The following ABCD2 variants were observed in gnomAD, a reference collection of about 807,000 sequenced individuals.
ABCD2 encodes ATP binding cassette subfamily D member 2.
In ABCD2, 36 loss-of-function variants were observed where a neutral mutation model predicts 70.9. The observed-to-expected ratio is 0.51, with a 90% CI of 0.39 to 0.67. ABCD2 has a LOEUF of 0.67. Ranked by LOEUF, ABCD2 falls within the 30% of genes least tolerant of loss-of-function variation. The pLI is 0.00. For synonymous variants in ABCD2, 304 were observed against 306.9 expected (o/e 0.99, Z 0.10); for missense variants, 729 against 890.2 (o/e 0.82, Z 2.30).
chr12:39,542,461 C>CAA, the ABCD2 span, among the ~76,000 whole-genome samples: 208 of 83,122 alleles, frequency 2.5e-3, no homozygotes, highest in African/African-American at 8.4e-3. Flanking sequence ...GACTCCATCT[C>CAA]AAAAAAAAAA....
At position 39,607,630 on chromosome 12, in the gene ABCD2, G is replaced by A; in HGVS notation, c.1205C>T (p.Ala402Val). 6.2e-7 allele frequency: 1 copy of A among 1,612,624 alleles called. No individual in the cohort carries two copies. The highest frequency in any genetic ancestry group is 8.5e-7 in the Non-Finnish European group (1 of 1,179,196). The change falls in exon 3 of 10, where the codon GCT becomes GTT. Residue 402 changes from alanine (A) to valine (V), a missense_variant. By Grantham distance (64) the Ala-to-Val change is moderately conservative. Transcript: ENST00000308666. ...ARNLLASGADAIERIMSSYKE... is the reference protein window; with the variant it reads ...ARNLLASGADVIERIMSSYKE... ...GTATGAAGACATAATCCTTTCAATA[G>A]CATCAGCTCCAGAGGCCAGTAAATT...
At chr12:39,557,258 C>T (rs190743086) in intron 9 of ABCD2, among the ~76,000 whole-genome samples, 120 of 152,198 alleles carry the variant, frequency 7.9e-4, no homozygotes, top group African/African-American at 2.8e-3. Context: ...TGGCATTTTG[C>T]CCCTGCCCTA....
At chr12:39,534,654 A>G in the ABCD2 span, among the ~76,000 whole-genome samples, 1 of 147,840 alleles carries the variant, frequency 6.8e-6, no homozygotes, top group African/African-American at 2.6e-5. Context: ...AGAAAGAAAG[A>G]AAAAAAGAAA....
intron 2 of ABCD2, 33 bp from the exon 3 acceptor site, chr12:39,607,747 T>G (rs1187668388): frequency 8.8e-6 from 9 of 1,028,560 alleles, no homozygotes; most frequent in Non-Finnish European, 1.2e-5. Flanking sequence ...AAACTTGAGT[T>G]TTTTTTTTTT....
At chr12:39,598,176 A>G (rs892916755) in intron 6 of ABCD2, among the ~76,000 whole-genome samples, 2 of 152,200 alleles carry the variant, frequency 1.3e-5, no homozygotes, top group Admixed American at 6.5e-5. Flanking sequence ...TCTCCCATGC[A>G]AGTAACAATT....
At chr12:39,580,875 G>T (rs1047692004) in intron 7 of ABCD2, among the ~76,000 whole-genome samples, 1 of 152,122 alleles carries the variant, frequency 6.6e-6, no homozygotes, top group Admixed American at 6.5e-5. Flanking sequence ...CAACAGGAAA[G>T]AAAATAGCCC....
chr12:39,557,822 C>T (rs890471192), intron 9 of ABCD2, among the ~76,000 whole-genome samples: 4 of 152,186 alleles, frequency 2.6e-5, no homozygotes, highest in African/African-American at 9.7e-5. Flanking sequence ...AAAGCTCTGC[C>T]TAGATTTCAG....
chr12:39,572,399 T>TATTGTCTTAA (rs1941460013), intron 9 of ABCD2, among the ~76,000 whole-genome samples: 1 of 152,220 alleles, frequency 6.6e-6, no homozygotes, highest in Admixed American at 6.5e-5. Flanking sequence ...CTTAAAGATC[T>TATTGTCTTAA]AGGTCCTGTT....
At chr12:39,564,847 T>C (rs938780177) in intron 9 of ABCD2, among the ~76,000 whole-genome samples, 11 of 152,248 alleles carry the variant, frequency 7.2e-5, no homozygotes, top group Non-Finnish European at 1.3e-4. Flanking sequence ...TTTCTACTTA[T>C]GGCTAGCCAG....
chr12:39,566,068 T>A (rs1427240481), intron 9 of ABCD2, among the ~76,000 whole-genome samples: 3 of 152,150 alleles, frequency 2.0e-5, no homozygotes, highest in Admixed American at 6.6e-5. Context: ...AATGTTCATC[T>A]GGGATATTGG....
rs531926050 is a variant in ABCD2 at position 39,563,657 on chromosome 12, G to T, written c.2004-9526C>A. 5.3e-5 allele frequency among the ~76,000 whole-genome samples: 8 copies of T among 152,138 alleles called. No homozygotes were observed. In the South Asian group the frequency reaches 1.7e-3, roughly 32 times the overall value. On this transcript the variant is annotated intron_variant, in intron 9 of 9. Coordinates refer to ENST00000308666, the MANE Select transcript of ABCD2 (RefSeq NM_005164.4). The stretch of plus-strand genomic sequence containing the variant: ...CTTTTTAATTATACTTTAAGTTTTA[G>T]GGTACATGTCCACAACATGCAGGTT...
the ABCD2 span, among the ~76,000 whole-genome samples, chr12:39,532,292 G>T: frequency 6.6e-6 from 1 of 152,208 alleles, no homozygotes; most frequent in Non-Finnish European, 1.5e-5. Flanking sequence ...TAGTGGCAGG[G>T]CTTGAAATGA....
chr12:39,554,208 T>C, intron 9 of ABCD2, 77 bp from the exon 10 acceptor site: 1 of 1,429,720 alleles, frequency 7.0e-7, no homozygotes, highest in Non-Finnish European at 9.4e-7. Context: ...ATCATTCAAA[T>C]TGATACCCAA....
At chr12:39,563,326 T>C (rs1349353694) in intron 9 of ABCD2, among the ~76,000 whole-genome samples, 1 of 152,082 alleles carries the variant, frequency 6.6e-6, no homozygotes, top group Non-Finnish European at 1.5e-5. Context: ...AGGGGTTTTT[T>C]GGTTGCAGTG....
chr12:39,586,116 A>C, intron 7 of ABCD2, 36 bp downstream of exon 7: 1 of 1,559,926 alleles, frequency 6.4e-7, no homozygotes, highest in South Asian at 1.2e-5. Flanking sequence ...TTTAAAAGTG[A>C]AGTTAAATGC....
chr12:39,550,899 A>G lies in ABCD2; in HGVS notation c.*3013T>C, dbSNP rs1009523246. ...ATTGAATCAAAAAGCTATTCCAAAC[A>G]TATTAGAATAAGATGAATCTATTGC... On this transcript the variant is annotated 3_prime_UTR_variant, in exon 10 of 10. Coordinates refer to ENST00000308666, the MANE Select transcript of ABCD2 (RefSeq NM_005164.4). 1.3e-5 allele frequency: 2 copies of G among 151,756 alleles called. No individual in the cohort carries two copies. The highest frequency in any genetic ancestry group is 4.8e-5 in the African/African-American group (2 of 41,440). 9.4% of individuals were successfully genotyped at this position (151,756 alleles called of 1,614,324 possible). A position where few individuals can be genotyped will look rare whatever the true frequency, so the allele number is the denominator to read the frequency against.
At position 39,563,025 on chromosome 12, in the gene ABCD2, A is replaced by G. The variant is rs1344730174; in HGVS notation, c.2004-8894T>C. 2.6e-5 allele frequency among the ~76,000 whole-genome samples: 4 copies of G among 152,212 alleles called. No individual in the cohort carries two copies. The East Asian group carries it at 7.7e-4, about 29-fold the overall frequency. On this transcript the variant is annotated intron_variant, in intron 9 of 9. Coordinates refer to ENST00000308666, the MANE Select transcript of ABCD2 (RefSeq NM_005164.4). ...AGGTTGAACATATGCAAAGCAATAA[A>G]TGTGGTACATAACATTAACAAAATG...
intron 2 of ABCD2, among the ~76,000 whole-genome samples, chr12:39,616,526 A>C (rs1305791777): frequency 3.3e-5 from 5 of 152,064 alleles, no homozygotes; most frequent in Non-Finnish European, 7.4e-5. Flanking sequence ...CTGCTTGCCC[A>C]TTGTAGTCAA....
intron 6 of ABCD2, among the ~76,000 whole-genome samples, chr12:39,589,382 G>T (rs1000471891): frequency 5.9e-4 from 86 of 145,614 alleles, no homozygotes; most frequent in African/African-American, 2.1e-3. Context: ...GCTTTGGTCT[G>T]GGTTTTTTTT....
Sources: gnomAD v4.1 joint callset for allele counts (sites outside exome capture counted in the v4.1 genomes callset) on GRCh38, gnomAD v4.1.1 for gene constraint, MANE v1.5 for transcripts, NCBI Gene and HGNC (gene_info 2026-07-23, HGNC 2026-07-21) for gene names.